RGS20: variants seen among roughly 807,000 people sequenced by gnomAD.
RGS20 encodes the protein gz-selective GTPase-activating protein.
In RGS20, 30 loss-of-function variants were observed where a neutral mutation model predicts 33.6. The ratio of observed to expected loss-of-function variants is 0.89; its 90% CI spans 0.67 to 1.21. The LOEUF (loss-of-function observed/expected upper bound fraction) is 1.21, where lower values mean the gene tolerates loss of function less well. RGS20 is among the 50% of genes most tolerant of loss of function. The probability of loss-of-function intolerance (pLI) is 0.00; values close to 1 mark genes in which losing one functional copy is unlikely to be tolerated. For missense variants in RGS20, 472 were observed against 502.4 expected, an observed-to-expected ratio of 0.94 and a Z score of 0.58; for synonymous variants, 208 against 197.9, an observed-to-expected ratio of 1.05 and a Z score of -0.43.
chr8:53,891,967 G>A (rs989258404), intron 2 of RGS20, among the ~76,000 whole-genome samples: 1 of 151,794 alleles, frequency 6.6e-6, no homozygotes, highest in African/African-American at 2.4e-5. Context: ...GTATACATGT[G>A]CCATGCTGGT....
chr8:53,886,279 T>C (rs1670095991), intron 2 of RGS20, among the ~76,000 whole-genome samples: 1 of 152,164 alleles, frequency 6.6e-6, no homozygotes, highest in South Asian at 2.1e-4. Context: ...TTGAATGGGC[T>C]CTTGGAGAGG....
At chr8:53,868,187 A>C (rs1811963933) in intron 1 of RGS20, among the ~76,000 whole-genome samples, 1 of 152,224 alleles carries the variant, frequency 6.6e-6, no homozygotes, top group South Asian at 2.1e-4. Flanking sequence ...TAGTCATTGA[A>C]TTCCTATTTG....
At chr8:53,919,735 G>A (rs1813592731) in intron 2 of RGS20, among the ~76,000 whole-genome samples, 1 of 151,250 alleles carries the variant, frequency 6.6e-6, no homozygotes, top group Non-Finnish European at 1.5e-5. Flanking sequence ...GGGCAACATA[G>A]CAAGACCCTA....
At chr8:53,857,979 A>C (rs1314815042) in intron 1 of RGS20, among the ~76,000 whole-genome samples, 3 of 152,210 alleles carry the variant, frequency 2.0e-5, no homozygotes, top group African/African-American at 7.2e-5. Flanking sequence ...AAAACATCAC[A>C]TTGTACCCCA....
At chr8:53,860,484 T>A (rs1161988486) in intron 1 of RGS20, among the ~76,000 whole-genome samples, 1 of 152,236 alleles carries the variant, frequency 6.6e-6, no homozygotes, top group Non-Finnish European at 1.5e-5. Flanking sequence ...TCAAATTGCA[T>A]ATGACTAGAA....
At chr8:53,946,150 T>A (rs1007329609) in intron 3 of RGS20, among the ~76,000 whole-genome samples, 2 of 152,204 alleles carry the variant, frequency 1.3e-5, no homozygotes, top group South Asian at 2.1e-4. Flanking sequence ...AGAGGATGTA[T>A]ACTTTTTAAG....
intron 2 of RGS20, among the ~76,000 whole-genome samples, chr8:53,897,445 G>T (rs1206176935): frequency 6.6e-6 from 1 of 152,166 alleles, no homozygotes; most frequent in Non-Finnish European, 1.5e-5. Flanking sequence ...CAGTAGAAAT[G>T]TTATTCATTA....
chr8:53,880,791 G>A (rs1812341862), intron 2 of RGS20, 81 bp from the exon 1 acceptor site: 2 of 1,270,956 alleles, frequency 1.6e-6, no homozygotes, highest in Admixed American at 3.4e-5. Context: ...ACCCGCGGCG[G>A]TGGAGTGCGC....
intron 2 of RGS20, among the ~76,000 whole-genome samples, chr8:53,896,806 C>T (rs1812877030): frequency 6.6e-6 from 1 of 152,118 alleles, no homozygotes; most frequent in African/African-American, 2.4e-5. Context: ...GAAGAAGGAC[C>T]ACAGGGAAAT....
In RGS20 at chr8:53,859,793, G is replaced by A. The variant is rs77827486; in HGVS notation, c.165+7729G>A. On this transcript the variant is annotated intron_variant, in intron 1 of 5. Coordinates refer to ENST00000297313, the MANE Select transcript of RGS20 (RefSeq NM_170587.4). ...GAGCAAAGGCATGTCTTACATGGTG[G>A]CAGGCAAGAAAGCGTGTGCAGGGGG... Among the ~76,000 whole-genome samples, 13 of 152,350 alleles carry A rather than the reference G, an allele frequency of 8.5e-5. No homozygotes were observed. The East Asian group carries it at 9.6e-4, about 11-fold the overall frequency.
At chr8:53,870,010 A>C (rs2129271271) in intron 1 of RGS20, among the ~76,000 whole-genome samples, 1 of 152,326 alleles carries the variant, frequency 6.6e-6, no homozygotes, top group South Asian at 2.1e-4. Flanking sequence ...GATGTTGGGC[A>C]GATGGGGGAG....
intron 2 of RGS20, among the ~76,000 whole-genome samples, chr8:53,884,191 CTTTTT>C (rs4014055): frequency 9.7e-6 from 1 of 103,472 alleles, no homozygotes; most frequent in African/African-American, 4.5e-5. Context: ...GAAAAACAGT[CTTTTT>C]TTTTTTTTTT....
intron 2 of RGS20, among the ~76,000 whole-genome samples, chr8:53,910,255 G>T (rs749323222): frequency 1.3e-5 from 2 of 152,094 alleles, no homozygotes; most frequent in Non-Finnish European, 2.9e-5. Flanking sequence ...TATTTGAGGG[G>T]CTCTTGCTTC....
At chr8:53,900,667 T>C (rs899133440) in intron 2 of RGS20, among the ~76,000 whole-genome samples, 39 of 152,194 alleles carry the variant, frequency 2.6e-4, no homozygotes, top group Admixed American at 1.3e-3. Flanking sequence ...GCTAATGTTA[T>C]ACACATGAGG....
chr8:53,937,702 C>A (rs1391628245), intron 2 of RGS20, among the ~76,000 whole-genome samples: 2 of 152,104 alleles, frequency 1.3e-5, no homozygotes, highest in Non-Finnish European at 2.9e-5. Flanking sequence ...AAACAAACAA[C>A]CCCATCAAAA....
intron 2 of RGS20, among the ~76,000 whole-genome samples, chr8:53,932,024 T>A (rs1813985608): frequency 6.6e-6 from 1 of 152,238 alleles, no homozygotes. Flanking sequence ...AAGCATAGTT[T>A]GGCTGGATAT....
chr8:53,854,008 C>T (rs1359843888), intron 1 of RGS20, among the ~76,000 whole-genome samples: 1 of 151,886 alleles, frequency 6.6e-6, no homozygotes, highest in Non-Finnish European at 1.5e-5. Flanking sequence ...TGTATCTAGA[C>T]GTCAAGGGGT....
At chr8:53,939,270 T>A (rs553943063) in intron 2 of RGS20, among the ~76,000 whole-genome samples, 1 of 150,722 alleles carries the variant, frequency 6.6e-6, no homozygotes, top group African/African-American at 2.4e-5. Context: ...TAGCACTGAC[T>A]GCAGAGTCTT....
intron 3 of RGS20, among the ~76,000 whole-genome samples, chr8:53,942,497 A>C (rs1187346919): frequency 6.6e-6 from 1 of 151,704 alleles, no homozygotes; most frequent in Non-Finnish European, 1.5e-5. Context: ...AAAAACCTAT[A>C]CCCTGGAAAA....
Sources: gnomAD v4.1 joint callset for allele counts (sites outside exome capture counted in the v4.1 genomes callset) on GRCh38, gnomAD v4.1.1 for gene constraint, MANE v1.5 for transcripts, NCBI Gene and HGNC (gene_info 2026-07-23, HGNC 2026-07-21) for gene names.